Variants in KCNK9 observed in about 807,000 individuals in gnomAD.
KCNK9 encodes potassium channel subfamily K member 9.
KCNK9 carries 1 observed loss-of-function variant against 10.8 expected under a neutral mutation model. The observed-to-expected ratio is 0.09, with a 90% CI of 0.03 to 0.44. The LOEUF (loss-of-function observed/expected upper bound fraction) is 0.44, where lower values mean the gene tolerates loss of function less well. KCNK9 is among the 20% of genes least tolerant of loss of function. The pLI is 0.97. For synonymous variants in KCNK9, 231 were observed against 222.7 expected, an observed-to-expected ratio of 1.04 and a Z score of -0.33; for missense variants, 303 against 515.0, an observed-to-expected ratio of 0.59 and a Z score of 3.98.
At chr8:139,675,550 G>A (rs1816529913) in intron 1 of KCNK9, among the ~76,000 whole-genome samples, 1 of 152,064 alleles carries the variant, frequency 6.6e-6, no homozygotes, top group Admixed American at 6.6e-5. Flanking sequence ...ACCGAAAGAG[G>A]GCCCCCACCA....
At chr8:139,633,402 G>A (rs1049187268) in intron 1 of KCNK9, among the ~76,000 whole-genome samples, 3 of 152,116 alleles carry the variant, frequency 2.0e-5, no homozygotes, top group Admixed American at 6.5e-5. Context: ...TTGGCCAAAC[G>A]ATGGCAATCA....
rs1281886609 is a variant in KCNK9, at chr8:139,702,634, C to A, written c.283+76G>T. ...TTAACCCTCGACGCCCTGCACCCAG[C>A]CCGGCGCGGCGCGCTCAGCCGCCTC... On this transcript the variant is annotated intron_variant, in intron 1 of 1. Transcript: ENST00000520439. This position sits in a 1 kb window ranked among gnomAD's most constrained non-coding sequence, Gnocchi z 7.5. 6.8e-7 allele frequency: 1 copy of A among 1,473,210 alleles called. No homozygotes were observed. The highest frequency in any genetic ancestry group is 1.3e-5 in the South Asian group (1 of 79,728). The allele number at this position is 1,473,210 out of a possible 1,614,324, so 91.3% of individuals were successfully genotyped here.
At chr8:139,664,065 GC>G (rs1466174826) in intron 1 of KCNK9, among the ~76,000 whole-genome samples, 1 of 152,146 alleles carries the variant, frequency 6.6e-6, no homozygotes, top group African/African-American at 2.4e-5. Context: ...CGATCAAGCC[GC>G]CTGCCCAAGG....
intron 2 of KCNK9, chr8:139,601,904 A>T (rs1817379076): frequency 6.6e-6 from 1 of 152,168 alleles, no homozygotes; most frequent in African/African-American, 2.4e-5. Context: ...CCCAGGAACA[A>T]ACCTGGAGCA....
chr8:139,690,186 T>C (rs940375134), intron 1 of KCNK9, among the ~76,000 whole-genome samples: 15 of 152,096 alleles, frequency 9.9e-5, no homozygotes, highest in African/African-American at 2.9e-4. Context: ...GAAGTCAGAC[T>C]TCCCGGGCAT....
At chr8:139,691,169 T>C (rs1487683617) in intron 1 of KCNK9, among the ~76,000 whole-genome samples, 3 of 152,158 alleles carry the variant, frequency 2.0e-5, no homozygotes, top group Non-Finnish European at 4.4e-5. Context: ...TCCCCATCCC[T>C]GGAGCTGAAA....
chr8:139,627,040 C>T (rs777387710), intron 1 of KCNK9, among the ~76,000 whole-genome samples: 43 of 152,278 alleles, frequency 2.8e-4, no homozygotes, highest in East Asian at 1.2e-3. Context: ...GCATGGGTCG[C>T]GCGTAGGGTG....
At chr8:139,666,926 T>C (rs935737725) in intron 1 of KCNK9, among the ~76,000 whole-genome samples, 3 of 152,246 alleles carry the variant, frequency 2.0e-5, no homozygotes, top group Non-Finnish European at 2.9e-5. Context: ...AGTTTCACCC[T>C]TCAGCAATGG....
At chr8:139,638,461 T>C (rs1815401985) in intron 1 of KCNK9, among the ~76,000 whole-genome samples, 1 of 152,218 alleles carries the variant, frequency 6.6e-6, no homozygotes, top group Non-Finnish European at 1.5e-5. Context: ...AATATTTGTC[T>C]GGCCATGATT....
At chr8:139,679,566 G>A (rs1335055658) in intron 1 of KCNK9, among the ~76,000 whole-genome samples, 2 of 152,242 alleles carry the variant, frequency 1.3e-5, no homozygotes, top group African/African-American at 4.8e-5. Flanking sequence ...GCAGGAATCT[G>A]TCGAAGTCAC....
chr8:139,618,945 G>A lies in KCNK9; in HGVS notation c.438C>T (p.Cys146=). The A allele has an allele frequency of 6.2e-7, 1 of 1,614,218 alleles. No homozygotes were observed. Among genetic ancestry groups the A allele is most frequent in the Non-Finnish European group, 8.5e-7 (1 of 1,180,032 alleles). ...VRYLLKRIKK[C]CGMRNTDVSM... The stretch of plus-strand genomic sequence containing the variant: ...ACACGTCAGTGTTGCGCATGCCACA[G>A]CACTTCTTAATGCGCTTCAGCAGGT... Residue 146 remains cysteine (C), a synonymous_variant, in exon 2 of 2, where the codon TGC becomes TGT. Coordinates refer to ENST00000520439, the MANE Select transcript of KCNK9 (RefSeq NM_001282534.2). The surrounding 1 kb of genome is among the most constrained non-coding windows in gnomAD (Gnocchi z 7.9).
intron 1 of KCNK9, among the ~76,000 whole-genome samples, chr8:139,639,585 G>A (rs756155980): frequency 2.2e-4 from 33 of 152,338 alleles, no homozygotes; most frequent in African/African-American, 7.5e-4. Context: ...CCAGCCCAGC[G>A]CTGGGGGTCT....
intron 1 of KCNK9, among the ~76,000 whole-genome samples, chr8:139,626,397 C>A (rs907025816): frequency 2.0e-5 from 3 of 152,210 alleles, no homozygotes; most frequent in African/African-American, 7.2e-5. Flanking sequence ...CAGGCCATTA[C>A]CCCGCTTACC....
downstream of KCNK9, among the ~76,000 whole-genome samples, chr8:139,607,777 C>G (rs530228775): frequency 6.6e-6 from 1 of 152,234 alleles, no homozygotes; most frequent in African/African-American, 2.4e-5. Flanking sequence ...TGGGCCCTGT[C>G]TCTCCAAATT....
intron 1 of KCNK9, among the ~76,000 whole-genome samples, chr8:139,647,797 G>A (rs1197944900): frequency 6.6e-6 from 1 of 152,134 alleles, no homozygotes; most frequent in African/African-American, 2.4e-5. Context: ...AAAGGTCTCA[G>A]GTCTCCCGTT....
chr8:139,696,480 A>T (rs1322524397), intron 1 of KCNK9, among the ~76,000 whole-genome samples: 1 of 152,214 alleles, frequency 6.6e-6, no homozygotes, highest in Non-Finnish European at 1.5e-5. Flanking sequence ...GAGGCCATTG[A>T]GGCATTAACA....
In KCNK9 at chr8:139,674,021, C is replaced by T. The variant is rs142539491; in HGVS notation, c.283+28689G>A. 4.9e-4 allele frequency among the ~76,000 whole-genome samples: 74 copies of T among 152,338 alleles called. 1 individual carries two copies. Among genetic ancestry groups the T allele is most frequent in the Admixed American group, 8.5e-4 (13 of 15,306 alleles). On this transcript the variant is annotated intron_variant, in intron 1 of 1. Transcript: ENST00000520439. ...TTCCCTTCCTCCTGGCTCTAACCCC[C>T]TGCAGTGTGCCAGGGCGACAGGAAC...
At chr8:139,651,121 TC>T (rs1218755987) in intron 1 of KCNK9, among the ~76,000 whole-genome samples, 1 of 152,078 alleles carries the variant, frequency 6.6e-6, no homozygotes, top group Admixed American at 6.5e-5. Flanking sequence ...GCATTTTCCA[TC>T]CCCTTCTGCT....
At chr8:139,634,875 G>A (rs889132842) in intron 1 of KCNK9, among the ~76,000 whole-genome samples, 3 of 152,200 alleles carry the variant, frequency 2.0e-5, no homozygotes, top group African/African-American at 4.8e-5. Flanking sequence ...CCCTCCTTGG[G>A]TGTTTTACAA....
Sources: allele counts gnomAD v4.1 joint callset (sites outside exome capture counted in the v4.1 genomes callset), GRCh38; gene constraint gnomAD v4.1.1; non-coding constraint Gnocchi (gnomAD v3.1); transcripts MANE v1.5; gene names NCBI Gene and HGNC (gene_info 2026-07-23, HGNC 2026-07-21).